GSTCD: variants seen among roughly 807,000 people sequenced by gnomAD.
GSTCD encodes the protein glutathione S-transferase C-terminal domain containing.
In GSTCD, 44 loss-of-function variants were observed where a neutral mutation model predicts 68.3. The ratio of observed to expected loss-of-function variants is 0.64; its 90% CI spans 0.51 to 0.83. The LOEUF is 0.83. GSTCD is among the 40% of genes least tolerant of loss of function. The pLI is 0.00. For missense variants in GSTCD, 739 were observed against 735.9 expected (o/e 1.00, Z -0.05); for synonymous variants, 273 against 255.2 (o/e 1.07, Z -0.67).
In GSTCD at chr4:105,717,899, C is replaced by G; in HGVS notation, c.286C>G (p.Arg96Gly). Residue 96 changes from arginine to glycine, a missense_variant, in exon 2 of 12, where the codon CGA becomes GGA. Arg to Gly is a moderately radical substitution (Grantham distance 125). Coordinates refer to ENST00000515279, the MANE Select transcript of GSTCD (RefSeq NM_001370181.1). ...TTGCTGTTTGCCTGCAGTAGTAGAA[C>G]GATCAGACAATTTTTGTAGAGCAGG... ...QNCCLPAVVE[R>G]SDNFCRAGLA... is the part of the protein sequence containing the mutation. The G allele has an allele frequency of 4.3e-6, 7 of 1,614,038 alleles. No individual in the cohort carries two copies. The highest frequency in any genetic ancestry group is 5.9e-6 in the Non-Finnish European group (7 of 1,179,984).
At chr4:105,715,710 TTAG>T (rs1164871885) in intron 1 of GSTCD, among the ~76,000 whole-genome samples, 1 of 125,974 alleles carries the variant, frequency 7.9e-6, no homozygotes, top group African/African-American at 3.5e-5. Context: ...TAAAGAAAAT[TTAG>T]TATGATGAAG....
At chr4:105,825,382 G>A (rs548967593) in intron 7 of GSTCD, among the ~76,000 whole-genome samples, 11 of 152,224 alleles carry the variant, frequency 7.2e-5, no homozygotes, top group African/African-American at 2.6e-4. Context: ...CGCTTGCCTC[G>A]GCCTCCCAAA....
intron 5 of GSTCD, among the ~76,000 whole-genome samples, chr4:105,787,630 T>C (rs184833494): frequency 1.3e-5 from 2 of 152,098 alleles, no homozygotes; most frequent in Admixed American, 6.5e-5. Flanking sequence ...TGGGAAACCG[T>C]TCTTCAAATA....
At chr4:105,755,769 A>G (rs922978568) in intron 5 of GSTCD, among the ~76,000 whole-genome samples, 2 of 152,234 alleles carry the variant, frequency 1.3e-5, no homozygotes, top group Admixed American at 1.3e-4. Flanking sequence ...AGGTAATCCA[A>G]GAGATAAATT....
At chr4:105,765,036 A>G (rs1734553242) in intron 5 of GSTCD, among the ~76,000 whole-genome samples, 1 of 152,190 alleles carries the variant, frequency 6.6e-6, no homozygotes. Flanking sequence ...TTACAACTCA[A>G]TTCACATGCA....
intron 11 of GSTCD, among the ~76,000 whole-genome samples, chr4:105,843,937 G>T (rs956181754): frequency 4.6e-5 from 7 of 152,048 alleles, no homozygotes; most frequent in Non-Finnish European, 7.4e-5. Context: ...TGGGAAGAAC[G>T]GGGGGAATCA....
chr4:105,718,182 C>CT (rs2149204797), intron 2 of GSTCD, 143 bp downstream of exon 2: 1 of 667,056 alleles, frequency 1.5e-6, no homozygotes, highest in South Asian at 2.2e-5. Flanking sequence ...TAAAGTAGCC[C>CT]TTTGATATAG....
chr4:105,754,334 A>T (rs1028536624), intron 5 of GSTCD, among the ~76,000 whole-genome samples: 1 of 152,212 alleles, frequency 6.6e-6, no homozygotes, highest in Non-Finnish European at 1.5e-5. Flanking sequence ...GGGGAAAAAA[A>T]GTTATCCTTA....
chr4:105,779,736 A>G (rs931772719), intron 5 of GSTCD, among the ~76,000 whole-genome samples: 1 of 152,224 alleles, frequency 6.6e-6, no homozygotes, highest in Non-Finnish European at 1.5e-5. Flanking sequence ...AAGAGGTTGA[A>G]CTAAGTAATT....
At chr4:105,815,567 ATG>A (rs1216066899) in intron 5 of GSTCD, among the ~76,000 whole-genome samples, 1 of 152,128 alleles carries the variant, frequency 6.6e-6, no homozygotes, top group African/African-American at 2.4e-5. Context: ...TTAGAACACC[ATG>A]TGCACAAAAG....
intron 5 of GSTCD, among the ~76,000 whole-genome samples, chr4:105,769,876 C>T (rs972742831): frequency 2.0e-5 from 3 of 152,118 alleles, no homozygotes; most frequent in Non-Finnish European, 4.4e-5. Flanking sequence ...TCACCTCAGC[C>T]TCCTGAGTAG....
At chr4:105,841,967 G>A (rs1328296937) in intron 10 of GSTCD, 98 bp from the exon 11 acceptor site, 1 of 810,598 alleles carries the variant, frequency 1.2e-6, no homozygotes, top group Non-Finnish European at 2.1e-6. Flanking sequence ...AAACAATGTT[G>A]AACTCCAGAA....
chr4:105,719,673 G>A lies in GSTCD; in HGVS notation c.894+146G>A. 5 of 641,934 alleles carry A rather than the reference G, an allele frequency of 7.8e-6. No individual in the cohort carries two copies. In the South Asian group the frequency reaches 8.0e-5, roughly 10 times the overall value. The allele number at this position is 641,934 out of a possible 1,614,324, so 39.8% of individuals were successfully genotyped here. On this transcript the variant is annotated intron_variant, in intron 3 of 11. Transcript: ENST00000515279. Reference sequence around the variant, plus strand: ...TCTCCATTTTCTTATCTGTAAAATGGTGATAATAATAGTACCTATCTAAAA... The same window carrying A: ...TCTCCATTTTCTTATCTGTAAAATGATGATAATAATAGTACCTATCTAAAA...
At chr4:105,732,308 A>G (rs888339701) in intron 5 of GSTCD, among the ~76,000 whole-genome samples, 3 of 152,142 alleles carry the variant, frequency 2.0e-5, no homozygotes, top group Non-Finnish European at 2.9e-5. Context: ...TCGGCTGTGA[A>G]TCCGTCTGGT....
intron 5 of GSTCD, among the ~76,000 whole-genome samples, chr4:105,757,194 CAG>C (rs1025269203): frequency 6.6e-5 from 10 of 152,072 alleles, no homozygotes; most frequent in East Asian, 1.9e-4. Flanking sequence ...TTATCTTAGA[CAG>C]GGGGAAGAAT....
chr4:105,733,919 C>T lies in GSTCD; in HGVS notation c.1240+4420C>T, dbSNP rs537786132. 4.5e-4 allele frequency among the ~76,000 whole-genome samples: 68 copies of T among 152,076 alleles called. No individual in the cohort carries two copies. In the Middle Eastern group the frequency reaches 0.01, roughly 23 times the overall value. On this transcript the variant is annotated intron_variant, in intron 5 of 11. Transcript: ENST00000515279. ...TCTCTCAGCATTTGCTTGTCTGTAA[C>T]GGATTTTATTTCTCCTTCACTTATG...
chr4:105,779,686 A>G (rs1463995534), intron 5 of GSTCD, among the ~76,000 whole-genome samples: 10 of 152,198 alleles, frequency 6.6e-5, no homozygotes, highest in Admixed American at 2.0e-4. Context: ...TTGATATGAA[A>G]TAGAGCATTG....
chr4:105,811,382 C>T (rs1357676432), intron 5 of GSTCD, among the ~76,000 whole-genome samples: 3 of 151,364 alleles, frequency 2.0e-5, no homozygotes, highest in African/African-American at 4.9e-5. Flanking sequence ...TACATCATGG[C>T]GTGTTTGAAG....
chr4:105,764,939 T>G (rs114496976), intron 5 of GSTCD, among the ~76,000 whole-genome samples: 1,979 of 152,292 alleles, frequency 0.013, 26 homozygotes, highest in Middle Eastern at 0.037. Flanking sequence ...TGTATTCACT[T>G]TATATCTTTA....
Sources: gnomAD v4.1 joint callset for allele counts (sites outside exome capture counted in the v4.1 genomes callset) on GRCh38, gnomAD v4.1.1 for gene constraint, MANE v1.5 for transcripts, NCBI Gene and HGNC (gene_info 2026-07-23, HGNC 2026-07-21) for gene names.